Variants in PLXNC1 observed in about 807,000 individuals in gnomAD.
The protein encoded by PLXNC1 is plexin-C1.
Under a neutral mutation model 178.2 loss-of-function variants are expected in PLXNC1, and 75 were observed. That is an observed-to-expected ratio of 0.42 (90% CI 0.35 to 0.51). The LOEUF is 0.51. PLXNC1 is among the 20% of genes least tolerant of loss of function. The pLI is 0.02. For missense variants in PLXNC1, 1,503 were observed against 1,984.4 expected, an observed-to-expected ratio of 0.76 and a Z score of 4.61; for synonymous variants, 790 against 779.9, an observed-to-expected ratio of 1.01 and a Z score of -0.22.
At chr12:94,206,925 C>A (rs576674632) in intron 4 of PLXNC1, among the ~76,000 whole-genome samples, 1 of 151,926 alleles carries the variant, frequency 6.6e-6, no homozygotes, top group Admixed American at 6.6e-5. Context: ...TGCACTTGAC[C>A]GTTGCTCTTG....
rs1565856887 is a variant in PLXNC1 at position 94,282,399 on chromosome 12, GA to G, written c.3878del (p.Glu1293GlyfsTer8). The G allele has an allele frequency of 6.2e-7, 1 of 1,601,518 alleles. No individual in the cohort carries two copies. The highest frequency in any genetic ancestry group is 1.1e-5 in the South Asian group (1 of 90,804). ...ITKLNTIGHY[E>X]ISNGSTIKVF... Reference sequence around the variant, plus strand: ...CAAGCTAAACACCATTGGCCACTATGAGGTAAGAGCAAGACTTGACCCCGTG... The same window carrying G: ...CAAGCTAAACACCATTGGCCACTATGGGTAAGAGCAAGACTTGACCCCGTG... On this transcript the variant is annotated frameshift_variant and splice_region_variant, in exon 23 of 31. Transcript: ENST00000258526. LOFTEE classifies it high-confidence loss of function.
Position 94,210,564 on chromosome 12 carries a change from T to C in PLXNC1, c.1554+860T>C, listed in dbSNP as rs567460931. On this transcript the variant is annotated intron_variant, in intron 5 of 30. Transcript: ENST00000258526. The stretch of plus-strand genomic sequence containing the variant: ...TAACAAGGAAATGGGCCACTTTCTC[T>C]TTTCCCTTACACTTTGCCATTTCAG... 3.9e-5 allele frequency among the ~76,000 whole-genome samples: 6 copies of C among 152,330 alleles called. 1 individual carries two copies. Among genetic ancestry groups the C allele is most frequent in the African/African-American group, 1.4e-4 (6 of 41,582 alleles).
intron 23 of PLXNC1, among the ~76,000 whole-genome samples, chr12:94,293,697 C>T (rs1967601910): frequency 6.6e-6 from 1 of 152,204 alleles, no homozygotes; most frequent in Admixed American, 6.5e-5. Flanking sequence ...GGGCTCACTG[C>T]AGCCTTGGAT....
intron 15 of PLXNC1, among the ~76,000 whole-genome samples, chr12:94,253,847 A>AT (rs145675487): frequency 6.6e-6 from 1 of 151,542 alleles, no homozygotes; most frequent in Admixed American, 6.6e-5. Context: ...CTAATTTTCT[A>AT]TTTTTTTGTA....
intron 21 of PLXNC1, chr12:94,272,126 T>C (rs1193945569): frequency 1.3e-5 from 2 of 152,118 alleles, no homozygotes; most frequent in Non-Finnish European, 2.9e-5. Flanking sequence ...TTTCCAATAG[T>C]CTTTTCTTTC....
At chr12:94,214,248 C>G (rs1963579062) in intron 5 of PLXNC1, among the ~76,000 whole-genome samples, 1 of 151,960 alleles carries the variant, frequency 6.6e-6, no homozygotes, top group African/African-American at 2.4e-5. Context: ...CCACACCCAG[C>G]TAATTTTTAA....
intron 3 of PLXNC1, chr12:94,186,169 T>TCCGCACTG: frequency 2.0e-6 from 1 of 510,174 alleles, no homozygotes; most frequent in Non-Finnish European, 3.6e-6. Flanking sequence ...GGCCTGGGAA[T>TCCGCACTG]ACGCACTGTC....
At chr12:94,242,108 G>C (rs993503431) in intron 11 of PLXNC1, among the ~76,000 whole-genome samples, 2 of 151,966 alleles carry the variant, frequency 1.3e-5, no homozygotes, top group African/African-American at 4.8e-5. Flanking sequence ...TAGTTTGCTA[G>C]GGTGGACATA....
chr12:94,210,575 A>C (rs1003993389), intron 5 of PLXNC1, among the ~76,000 whole-genome samples: 1 of 152,204 alleles, frequency 6.6e-6, no homozygotes, highest in African/African-American at 2.4e-5. Context: ...TTTCCCTTAC[A>C]CTTTGCCATT....
chr12:94,186,695 G>A (rs1962522582), intron 4 of PLXNC1: 13 of 475,190 alleles, frequency 2.7e-5, no homozygotes, highest in South Asian at 2.6e-4. Flanking sequence ...GTCTCGGGGC[G>A]GGAGGGGCAG....
chr12:94,198,830 T>C (rs1000807887), intron 4 of PLXNC1, among the ~76,000 whole-genome samples: 3 of 152,324 alleles, frequency 2.0e-5, no homozygotes, highest in East Asian at 3.9e-4. Context: ...TCCCATTCAC[T>C]GGGACACCCT....
chr12:94,279,336 A>G (rs1966249513), intron 21 of PLXNC1, 136 bp from the exon 22 acceptor site: 1 of 638,496 alleles, frequency 1.6e-6, no homozygotes, highest in African/African-American at 1.8e-5. Context: ...AGATGAAAGT[A>G]GTCTAATGCA....
chr12:94,187,503 G>A (rs1299144579), intron 4 of PLXNC1, among the ~76,000 whole-genome samples: 1 of 152,180 alleles, frequency 6.6e-6, no homozygotes, highest in Non-Finnish European at 1.5e-5. Context: ...AATTGCCCCT[G>A]CCATTTGCTA....
chr12:94,287,292 C>G (rs1442834829), intron 23 of PLXNC1, among the ~76,000 whole-genome samples: 1 of 152,208 alleles, frequency 6.6e-6, no homozygotes, highest in Non-Finnish European at 1.5e-5. Context: ...GGATGTCATT[C>G]TGTGTGCGTT....
intron 21 of PLXNC1, among the ~76,000 whole-genome samples, chr12:94,265,638 T>C (rs1346594021): frequency 6.6e-6 from 1 of 152,244 alleles, no homozygotes; most frequent in Non-Finnish European, 1.5e-5. Flanking sequence ...TTTAGAATGA[T>C]AACACAAGAC....
chr12:94,283,378 A>C (rs1316762321), intron 23 of PLXNC1, among the ~76,000 whole-genome samples: 1 of 152,192 alleles, frequency 6.6e-6, no homozygotes, highest in Non-Finnish European at 1.5e-5. Flanking sequence ...AGGGGGAAGG[A>C]GGGCAGTGAC....
intron 21 of PLXNC1, among the ~76,000 whole-genome samples, chr12:94,266,591 T>G (rs1407322263): frequency 6.6e-6 from 1 of 152,172 alleles, no homozygotes; most frequent in Non-Finnish European, 1.5e-5. Context: ...TAACAACTGT[T>G]GGTAGAGTGG....
At position 94,232,378 on chromosome 12, in the gene PLXNC1, C is replaced by T. The variant is rs1222295493; in HGVS notation, c.1980+5143C>T. ...TGCTGGGATTACAGGCATGAGCCACCGCACCCGGCCCCTCCATCACTTTTG... is the reference window on the plus strand; with the variant it reads ...TGCTGGGATTACAGGCATGAGCCACTGCACCCGGCCCCTCCATCACTTTTG... On this transcript the variant is annotated intron_variant, in intron 9 of 30. Transcript: ENST00000258526. Among the ~76,000 whole-genome samples, 5 of 152,192 alleles carry T rather than the reference C, an allele frequency of 3.3e-5. No homozygotes were observed. In the East Asian group the frequency reaches 7.7e-4, roughly 23 times the overall value.
At chr12:94,237,041 A>G (rs1172786917) in intron 9 of PLXNC1, among the ~76,000 whole-genome samples, 2 of 152,322 alleles carry the variant, frequency 1.3e-5, no homozygotes, top group Admixed American at 6.5e-5. Flanking sequence ...GATAAAGTCT[A>G]TTGAAACTGG....
Sources: gnomAD v4.1 joint callset for allele counts (sites outside exome capture counted in the v4.1 genomes callset) on GRCh38, gnomAD v4.1.1 for gene constraint, MANE v1.5 for transcripts, NCBI Gene and HGNC (gene_info 2026-07-23, HGNC 2026-07-21) for gene names.